MTMR9: variants seen among roughly 807,000 people sequenced by gnomAD.
MTMR9 encodes myotubularin related protein 9, also known as myotubularin-related protein 9.
A neutral mutation model predicts 69.5 loss-of-function variants in MTMR9; 39 were observed. The ratio of observed to expected loss-of-function variants is 0.56; its 90% CI spans 0.43 to 0.73. MTMR9 has a LOEUF of 0.73. MTMR9 is among the 30% of genes least tolerant of loss of function. The pLI is 0.00. For missense variants in MTMR9, 900 were observed against 671.2 expected, an observed-to-expected ratio of 1.34 and a Z score of -3.77; for synonymous variants, 354 against 240.8, an observed-to-expected ratio of 1.47 and a Z score of -4.35.
chr8:11,332,308 C>G (rs1801269265), downstream of MTMR9: 3 of 1,056,758 alleles, frequency 2.8e-6, no homozygotes, highest in South Asian at 7.1e-5. Flanking sequence ...ACAAAGCATG[C>G]AAACAAATGA....
At chr8:11,290,038 T>A (rs142383065) in intron 1 of MTMR9, among the ~76,000 whole-genome samples, 1 of 152,204 alleles carries the variant, frequency 6.6e-6, no homozygotes, top group Non-Finnish European at 1.5e-5. Flanking sequence ...ACAAACTAAT[T>A]GCTTTCCAGG....
At chr8:11,287,232 C>G (rs1799195098) in intron 1 of MTMR9, among the ~76,000 whole-genome samples, 2 of 152,208 alleles carry the variant, frequency 1.3e-5, no homozygotes, top group Non-Finnish European at 2.9e-5. Context: ...GCTGAATGGT[C>G]AGATGCCGTT....
intron 9 of MTMR9, chr8:11,321,396 G>A (rs1466113828): frequency 4.4e-6 from 2 of 456,186 alleles, no homozygotes; most frequent in Non-Finnish European, 8.8e-6. Context: ...TAAAGCCACT[G>A]TCACATTTAA....
intron 5 of MTMR9, 107 bp downstream of exon 5, chr8:11,306,514 T>A (rs1799947035): frequency 4.1e-6 from 4 of 969,656 alleles, no homozygotes; most frequent in Admixed American, 2.4e-5. Flanking sequence ...TCTGCATTAA[T>A]TTAGGGTCAA....
At chr8:11,287,735 A>G (rs1327895144) in intron 1 of MTMR9, among the ~76,000 whole-genome samples, 1 of 134,100 alleles carries the variant, frequency 7.5e-6, no homozygotes, top group Non-Finnish European at 1.5e-5. Context: ...TATATATTAT[A>G]TATTATTTTC....
the MTMR9 span, among the ~76,000 whole-genome samples, chr8:11,338,970 G>T: frequency 6.6e-6 from 1 of 152,266 alleles, no homozygotes; most frequent in Admixed American, 6.5e-5. Flanking sequence ...TAATGCCATG[G>T]GACTCCTGAT....
At chr8:11,285,948 C>CTTTTTTTTTTTTTTTT (rs755153057) in intron 1 of MTMR9, among the ~76,000 whole-genome samples, 2 of 107,116 alleles carry the variant, frequency 1.9e-5, no homozygotes, top group Non-Finnish European at 3.7e-5. Context: ...TTCTTTCTTT[C>CTTTTTTTTTTTTTTTT]TTTTTTTTTT....
At chr8:11,332,916 A>T (rs1057324390), downstream of MTMR9, among the ~76,000 whole-genome samples, 1 of 152,174 alleles carries the variant, frequency 6.6e-6, no homozygotes, top group Admixed American at 6.5e-5. Context: ...AGAGTTTTTG[A>T]TCAGGCAGAA....
At chr8:11,292,612 A>T (rs945822448) in intron 1 of MTMR9, among the ~76,000 whole-genome samples, 2 of 152,074 alleles carry the variant, frequency 1.3e-5, no homozygotes, top group Non-Finnish European at 2.9e-5. Flanking sequence ...GCATCTTTTC[A>T]TATGCTTATT....
intron 2 of MTMR9, 71 bp downstream of exon 2, chr8:11,295,373 C>T (rs187595389): frequency 7.9e-6 from 7 of 890,430 alleles, no homozygotes; most frequent in Middle Eastern, 2.4e-4. Flanking sequence ...TCTTCCATTT[C>T]TTCATTAGAT....
At chr8:11,306,724 T>C (rs1243260187) in intron 5 of MTMR9, among the ~76,000 whole-genome samples, 2 of 152,234 alleles carry the variant, frequency 1.3e-5, no homozygotes, top group Admixed American at 1.3e-4. Context: ...ATCTATTCTC[T>C]TAGCAGTTTT....
At chr8:11,332,980 G>A (rs143551659), downstream of MTMR9, among the ~76,000 whole-genome samples, 1 of 152,284 alleles carries the variant, frequency 6.6e-6, no homozygotes, top group African/African-American at 2.4e-5. Context: ...ACTCTGAGGA[G>A]CATAAAGAAA....
At chr8:11,328,344 C>CGTGTGTGT (rs151066674), downstream of MTMR9, among the ~76,000 whole-genome samples, 8,010 of 90,912 alleles carry the variant, frequency 0.088, 436 homozygotes, top group East Asian at 0.32. Flanking sequence ...TTTAATACCA[C>CGTGTGTGT]GTGTGTGTGT....
intron 1 of MTMR9, among the ~76,000 whole-genome samples, chr8:11,292,089 C>T (rs1307451777): frequency 6.6e-6 from 1 of 152,044 alleles, no homozygotes; most frequent in Non-Finnish European, 1.5e-5. Flanking sequence ...TTTGCATTAT[C>T]TAGAAATTTA....
intron 6 of MTMR9, among the ~76,000 whole-genome samples, chr8:11,310,011 A>G (rs1800131918): frequency 6.6e-6 from 1 of 152,104 alleles, no homozygotes; most frequent in African/African-American, 2.4e-5. Context: ...AAATAGAATG[A>G]AAGGAAGTTT....
intron 1 of MTMR9, among the ~76,000 whole-genome samples, chr8:11,291,763 A>G (rs1799387111): frequency 6.6e-6 from 1 of 151,948 alleles, no homozygotes; most frequent in Non-Finnish European, 1.5e-5. Context: ...CATAGATGAT[A>G]TGGAAATTTA....
chr8:11,289,259 G>C (rs1344596139), intron 1 of MTMR9, among the ~76,000 whole-genome samples: 2 of 152,190 alleles, frequency 1.3e-5, no homozygotes, highest in African/African-American at 4.8e-5. Flanking sequence ...GAGCTGCCTT[G>C]CCTTGCTGGT....
At chr8:11,305,755 T>G (rs1304332274) in intron 4 of MTMR9, among the ~76,000 whole-genome samples, 2 of 152,204 alleles carry the variant, frequency 1.3e-5, no homozygotes, top group Non-Finnish European at 2.9e-5. Context: ...GAGAACAGTG[T>G]TTGAACTTTT....
At chr8:11,304,239 T>C (rs1222601313) in intron 3 of MTMR9, among the ~76,000 whole-genome samples, 7 of 152,192 alleles carry the variant, frequency 4.6e-5, no homozygotes, top group African/African-American at 1.7e-4. Context: ...TTAAGAAAGG[T>C]GTTACCAATC....
Sources: gnomAD v4.1 joint callset for allele counts (sites outside exome capture counted in the v4.1 genomes callset) on GRCh38, gnomAD v4.1.1 for gene constraint, MANE v1.5 for transcripts, NCBI Gene and HGNC (gene_info 2026-07-23, HGNC 2026-07-21) for gene names.